NOTCH2NLR: variants seen among roughly 807,000 people sequenced by gnomAD.
NOTCH2NLR encodes the protein notch 2 N-terminal like R, also known as notch 2 N-terminal like R (pseudogene).
Under a neutral mutation model 35.6 loss-of-function variants are expected in NOTCH2NLR, and 33 were observed. The observed-to-expected ratio is 0.93, with a 90% CI of 0.70 to 1.24. NOTCH2NLR has a LOEUF of 1.24. NOTCH2NLR is among the 50% of genes most tolerant of loss of function. NOTCH2NLR has a pLI of 0.00. For synonymous variants in NOTCH2NLR, 103 were observed against 141.0 expected (o/e 0.73, Z 1.91); for missense variants, 276 against 362.2 (o/e 0.76, Z 1.93).
In NOTCH2NLR at chr1:120,767,755, A is replaced by G. The variant is rs1429602293; in HGVS notation, c.155+4046A>G. Among the ~76,000 whole-genome samples, 4 of 115,530 alleles carry G rather than the reference A, an allele frequency of 3.5e-5. 1 individual carries two copies. The East Asian group carries it at 8.5e-4, about 25-fold the overall frequency. The allele number at this position is 115,530 out of a possible 152,430, so 75.8% of individuals were successfully genotyped here. A position where few individuals can be genotyped will look rare whatever the true frequency, so the allele number is the denominator to read the frequency against. ...GTTGTTGTTTGCTTCAGACTTTCAA[A>G]TATAAACCATTCTAAATCCCAATTT... On this transcript the variant is annotated intron_variant, in intron 2 of 4. Transcript: ENST00000624419.
chr1:120,790,085 G>A lies in NOTCH2NLR; in HGVS notation c.416-3076G>A, dbSNP rs1159145241. 4.8e-5 allele frequency among the ~76,000 whole-genome samples: 4 copies of A among 83,610 alleles called. No homozygotes were observed. The South Asian group carries it at 1.4e-3, about 30-fold the overall frequency. The allele number at this position is 83,610 out of a possible 152,430, so 54.9% of individuals were successfully genotyped here. ...AGGCTGGAGTGCAGGGCGCAATCTCGGTTCACTGCAAGTTCCACCTCCCGG... is the reference window on the plus strand; with the variant it reads ...AGGCTGGAGTGCAGGGCGCAATCTCAGTTCACTGCAAGTTCCACCTCCCGG... On this transcript the variant is annotated intron_variant, in intron 3 of 4. Coordinates refer to ENST00000624419, the Ensembl canonical transcript of NOTCH2NLR.
chr1:120,776,134 T>C lies in NOTCH2NLR; in HGVS notation c.156-8840T>C, dbSNP rs2101435425. Among the ~76,000 whole-genome samples, 2 of 117,112 alleles carry C rather than the reference T, an allele frequency of 1.7e-5. 1 individual carries two copies. The highest frequency in any genetic ancestry group is 4.9e-4 in the South Asian group (2 of 4,056). The allele number at this position is 117,112 out of a possible 152,430, so 76.8% of individuals were successfully genotyped here. A position where few individuals can be genotyped will look rare whatever the true frequency, so the allele number is the denominator to read the frequency against. ...GCACTGAATAGTTGAATGCCTTCTA[T>C]ATGCCAGTCATTGTGTTAGGCACTG... On this transcript the variant is annotated intron_variant, in intron 2 of 4. Transcript: ENST00000624419.
rs1367654163 is a variant in NOTCH2NLR, at chr1:120,769,577, G to GT, written c.155+5875dup. Among the ~76,000 whole-genome samples, 10 of 121,986 alleles carry GT rather than the reference G, an allele frequency of 8.2e-5. 2 individuals carry two copies. Among genetic ancestry groups the GT allele is most frequent in the East Asian group, 2.0e-4 (1 of 4,984 alleles). 80.0% of individuals were successfully genotyped at this position (121,986 alleles called of 152,430 possible). On this transcript the variant is annotated intron_variant, in intron 2 of 4. Coordinates refer to ENST00000624419, the Ensembl canonical transcript of NOTCH2NLR. ...TTTTTAACATAAAACAAAGAATGCT[G>GT]TTTTTTTGGCTCATTAAATACCTCT...
chr1:120,785,119 T>G, exon 3 of NOTCH2NLR: 1 of 1,446,564 alleles, frequency 6.9e-7, no homozygotes, highest in South Asian at 1.2e-5. Flanking sequence ...AGGAGAGGAC[T>G]GCCAGTACTC....
intron 3 of NOTCH2NLR, among the ~76,000 whole-genome samples, chr1:120,790,328 T>C (rs1457515871): frequency 8.8e-6 from 1 of 113,256 alleles, no homozygotes; most frequent in Non-Finnish European, 1.7e-5. Flanking sequence ...CTGATCATCT[T>C]TTATACATAT....
rs1651211373 is a variant in NOTCH2NLR, at chr1:120,767,920, T to G, written c.155+4211T>G. Among the ~76,000 whole-genome samples the G allele has an allele frequency of 2.5e-5, 3 of 118,036 alleles. 1 individual carries two copies. The highest frequency in any genetic ancestry group is 1.5e-4 in the African/African-American group (3 of 20,302). The allele number at this position is 118,036 out of a possible 152,430, so 77.4% of individuals were successfully genotyped here. A position where few individuals can be genotyped will look rare whatever the true frequency, so the allele number is the denominator to read the frequency against. ...TCTTTGTCTGCTGGTTCTTAACAAC[T>G]GGGTTGTCTATGGATGTGTTTCTAT... On this transcript the variant is annotated intron_variant, in intron 2 of 4. Coordinates refer to ENST00000624419, the Ensembl canonical transcript of NOTCH2NLR.
Position 120,770,847 on chromosome 1 carries a change from AAG to A in NOTCH2NLR, c.155+7139_155+7140del, listed in dbSNP as rs1651255769. On this transcript the variant is annotated intron_variant, in intron 2 of 4. Transcript: ENST00000624419. The stretch of plus-strand genomic sequence containing the variant: ...TGTGGAACATTTGAAAGTATACAAA[AAG>A]GGGACTTTTCAGATCAGGAATATGA... 1.7e-5 allele frequency among the ~76,000 whole-genome samples: 2 copies of A among 117,250 alleles called. 1 individual carries two copies. Among genetic ancestry groups the A allele is most frequent in the African/African-American group, 9.9e-5 (2 of 20,200 alleles). 76.9% of individuals were successfully genotyped at this position (117,250 alleles called of 152,430 possible). A position where few individuals can be genotyped will look rare whatever the true frequency, so the allele number is the denominator to read the frequency against.
intron 1 of NOTCH2NLR, among the ~76,000 whole-genome samples, chr1:120,758,262 C>T (rs1651096843): frequency 8.4e-6 from 1 of 118,710 alleles, no homozygotes. Context: ...TAAGAAATGG[C>T]TTGTCCTTGG....
At position 120,776,043 on chromosome 1, in the gene NOTCH2NLR, GTATT is replaced by G. The variant is rs1486163120; in HGVS notation, c.156-8927_156-8924del. ...ACCCAGTTGTTCCCAAACTTCAAGTGTATTTATAGGGTCTTTTTAAGGGGTAAAG... is the reference window on the plus strand; with the variant it reads ...ACCCAGTTGTTCCCAAACTTCAAGTGTATAGGGTCTTTTTAAGGGGTAAAG... On this transcript the variant is annotated intron_variant, in intron 2 of 4. Transcript: ENST00000624419. Among the ~76,000 whole-genome samples the G allele has an allele frequency of 4.5e-5, 5 of 110,600 alleles. 2 individuals carry two copies. Among genetic ancestry groups the G allele is most frequent in the African/African-American group, 2.8e-4 (5 of 17,716 alleles). The allele number at this position is 110,600 out of a possible 152,430, so 72.6% of individuals were successfully genotyped here.
At position 120,739,934 on chromosome 1, in the gene NOTCH2NLR, A is replaced by AC. The variant is rs1199317090; in HGVS notation, c.73+15686dup. ...CATGGCCAACACAAGATTATGGATC[A>AC]CCTAAAGAGTAGACTAAAAGTACTA... On this transcript the variant is annotated intron_variant, in intron 1 of 4. Transcript: ENST00000624419. Among the ~76,000 whole-genome samples the AC allele has an allele frequency of 6.6e-5, 2 of 30,278 alleles. 1 individual carries two copies. The highest frequency in any genetic ancestry group is 1.2e-4 in the Non-Finnish European group (2 of 17,180). The allele number at this position is 30,278 out of a possible 152,430, so 19.9% of individuals were successfully genotyped here. A position where few individuals can be genotyped will look rare whatever the true frequency, so the allele number is the denominator to read the frequency against.
In NOTCH2NLR at chr1:120,765,175, A is replaced by T. The variant is rs1651177396; in HGVS notation, c.155+1466A>T. On this transcript the variant is annotated intron_variant, in intron 2 of 4. Transcript: ENST00000624419. Reference sequence around the variant, plus strand: ...TTTTTCTAGCTGGGGGAAAAAAAAAACATGTGGTGCATTCTCCTCTAAGAA... The same window carrying T: ...TTTTTCTAGCTGGGGGAAAAAAAAATCATGTGGTGCATTCTCCTCTAAGAA... 1.6e-5 allele frequency among the ~76,000 whole-genome samples: 2 copies of T among 121,304 alleles called. 1 individual carries two copies. Among genetic ancestry groups the T allele is most frequent in the African/African-American group, 8.3e-5 (2 of 24,122 alleles). The allele number at this position is 121,304 out of a possible 152,430, so 79.6% of individuals were successfully genotyped here.
At chr1:120,752,555 T>TATATATATATATA (rs1286857308) in intron 1 of NOTCH2NLR, among the ~76,000 whole-genome samples, 7 of 6,616 alleles carry the variant, frequency 1.1e-3, no homozygotes, top group Admixed American at 2.2e-3. Context: ...TATATATATA[T>TATATATATATATA]TTTTTTTTTT....
chr1:120,781,901 T>G lies in NOTCH2NLR; in HGVS notation c.156-3073T>G, dbSNP rs1173213408. Among the ~76,000 whole-genome samples, 2 of 112,902 alleles carry G rather than the reference T, an allele frequency of 1.8e-5. 1 individual carries two copies. The highest frequency in any genetic ancestry group is 3.4e-5 in the Non-Finnish European group (2 of 59,690). 74.1% of individuals were successfully genotyped at this position (112,902 alleles called of 152,430 possible). The stretch of plus-strand genomic sequence containing the variant: ...CTTTCTAAGCTTCGAGTTCCTCATA[T>G]ATAAAATGGAGATTATAATATAGCA... On this transcript the variant is annotated intron_variant, in intron 2 of 4. Transcript: ENST00000624419.
rs1651485178 is a variant in NOTCH2NLR, at chr1:120,790,832, A to T, written c.416-2329A>T. On this transcript the variant is annotated intron_variant, in intron 3 of 4. Coordinates refer to ENST00000624419, the Ensembl canonical transcript of NOTCH2NLR. ...CCAGGCTGGTCTCAAACTCCTAACC[A>T]CAAGTGATCTGCCCACCTCAGCCTC... Among the ~76,000 whole-genome samples, 4 of 101,530 alleles carry T rather than the reference A, an allele frequency of 3.9e-5. 1 individual carries two copies. The allele number at this position is 101,530 out of a possible 152,430, so 66.6% of individuals were successfully genotyped here.
rs1356022604 is a variant in NOTCH2NLR, at chr1:120,790,108, C to T, written c.416-3053C>T. On this transcript the variant is annotated intron_variant, in intron 3 of 4. Transcript: ENST00000624419. ...TCGGTTCACTGCAAGTTCCACCTCC[C>T]GGGTTCACGCCATTCTTCTGCCTCA... Among the ~76,000 whole-genome samples, 9 of 94,348 alleles carry T rather than the reference C, an allele frequency of 9.5e-5. 1 individual carries two copies. The South Asian group carries it at 1.2e-3, about 13-fold the overall frequency. The allele number at this position is 94,348 out of a possible 152,430, so 61.9% of individuals were successfully genotyped here. A position where few individuals can be genotyped will look rare whatever the true frequency, so the allele number is the denominator to read the frequency against.
intron 1 of NOTCH2NLR, 94 bp from the exon 2 acceptor site, chr1:120,763,534 A>G: frequency 3.6e-6 from 2 of 551,734 alleles, no homozygotes; most frequent in Non-Finnish European, 6.3e-6. Flanking sequence ...ATTAGGTGGG[A>G]ATGAATGCTG....
downstream of NOTCH2NLR, among the ~76,000 whole-genome samples, chr1:120,794,074 G>T (rs1434003031): frequency 9.9e-6 from 1 of 101,352 alleles, no homozygotes; most frequent in African/African-American, 6.7e-5. Flanking sequence ...AGAGAATTCT[G>T]AAACTGAGGA....
rs1332636133 is a variant in NOTCH2NLR, at chr1:120,767,719, A to G, written c.155+4010A>G. On this transcript the variant is annotated intron_variant, in intron 2 of 4. Transcript: ENST00000624419. ...TATGTAATTAAATTTGATGTCATTA[A>G]TCACTTTCAAGTTGTTGTTTGCTTC... Among the ~76,000 whole-genome samples, 23 of 115,612 alleles carry G rather than the reference A, an allele frequency of 2.0e-4. 4 individuals carry two copies. Among genetic ancestry groups the G allele is most frequent in the Middle Eastern group, 3.8e-3 (1 of 264 alleles). 75.8% of individuals were successfully genotyped at this position (115,612 alleles called of 152,430 possible).
At chr1:120,770,730 G>A (rs1651254296) in intron 2 of NOTCH2NLR, among the ~76,000 whole-genome samples, 3 of 119,066 alleles carry the variant, frequency 2.5e-5, no homozygotes, top group Admixed American at 2.4e-4. Flanking sequence ...AAAATGTACT[G>A]TCACCTTGAG....
Sources: gnomAD v4.1 joint callset for allele counts (sites outside exome capture counted in the v4.1 genomes callset) on GRCh38, gnomAD v4.1.1 for gene constraint, MANE v1.5 for transcripts, NCBI Gene and HGNC (gene_info 2026-07-23, HGNC 2026-07-21) for gene names.